TRIM43: variants seen among roughly 807,000 people sequenced by gnomAD.
TRIM43 encodes the protein tripartite motif-containing protein 43.
Under a neutral mutation model 27.7 loss-of-function variants are expected in TRIM43, and 12 were observed. That is an observed-to-expected ratio of 0.43 (90% confidence interval 0.28 to 0.70). The LOEUF (loss-of-function observed/expected upper bound fraction) is 0.70. Ranked by LOEUF, TRIM43 falls within the 30% of genes least tolerant of loss-of-function variation. The pLI is 0.17. For synonymous variants in TRIM43, 64 were observed against 121.9 expected (o/e 0.52, Z 3.13); for missense variants, 186 against 356.5 (o/e 0.52, Z 3.85).
At chr2:95,595,791 T>C (rs1188402428) in intron 3 of TRIM43, among the ~76,000 whole-genome samples, 1 of 151,372 alleles carries the variant, frequency 6.6e-6, no homozygotes, top group Admixed American at 6.6e-5. Flanking sequence ...GGGGGTTAAA[T>C]TTTTTACTAA....
intron 1 of TRIM43, among the ~76,000 whole-genome samples, chr2:95,593,612 A>C (rs2104457263): frequency 6.6e-6 from 1 of 151,980 alleles, no homozygotes; most frequent in Non-Finnish European, 1.5e-5. Flanking sequence ...ATGAGAGTAG[A>C]AGAGCTTAGT....
chr2:95,592,728 C>T (rs1476488602), intron 1 of TRIM43, among the ~76,000 whole-genome samples: 1 of 151,122 alleles, frequency 6.6e-6, no homozygotes, highest in African/African-American at 2.4e-5. Flanking sequence ...GACACTTTGC[C>T]GTGTCACCAG....
chr2:95,593,396 GATTAA>G (rs10578960), intron 1 of TRIM43, among the ~76,000 whole-genome samples: 43,392 of 151,200 alleles, frequency 0.29, 7,452 homozygotes, highest in Non-Finnish European at 0.35. Flanking sequence ...AGTTTTTGTT[GATTAA>G]ATTAACATAG....
chr2:95,596,472 C>T, intron 4 of TRIM43, 40 bp downstream of exon 4: 1 of 1,523,092 alleles, frequency 6.6e-7, no homozygotes, highest in South Asian at 1.3e-5. Context: ...TTTGTGTTAG[C>T]TGACCTTTAC....
chr2:95,592,910 GA>G (rs1378299611), intron 1 of TRIM43, among the ~76,000 whole-genome samples: 2 of 148,104 alleles, frequency 1.4e-5, no homozygotes, highest in Non-Finnish European at 3.0e-5. Context: ...TTTTTTTTTA[GA>G]GGGGAGACAG....
chr2:95,596,140 G>A, intron 3 of TRIM43, 62 bp from the exon 4 acceptor site: 2 of 1,589,354 alleles, frequency 1.3e-6, no homozygotes, highest in Non-Finnish European at 1.7e-6. Context: ...GGATGAAGTT[G>A]TAGGCTCTGT....
chr2:95,593,981 A>T (rs933542848), intron 1 of TRIM43, 39 bp from the exon 2 acceptor site: 1 of 1,556,180 alleles, frequency 6.4e-7, no homozygotes, highest in African/African-American at 1.4e-5. Context: ...TTGTCTCTCC[A>T]GGGTAGAAGA....
At chr2:95,596,116 A>G (rs1685351205) in intron 3 of TRIM43, 86 bp from the exon 4 acceptor site, 4 of 1,517,982 alleles carry the variant, frequency 2.6e-6, no homozygotes, top group Non-Finnish European at 3.6e-6. Context: ...GGAAAATAAA[A>G]GAAGGAATGA....
Position 95,595,160 on chromosome 2 carries a change from G to A in TRIM43, c.507+15G>A, listed in dbSNP as rs1347699362. ...TCCTCTGGAGGGTAAGTATGAGACCGTGAGTCCTCCTGACCAGCTTGAGAC... is the reference window on the plus strand; with the variant it reads ...TCCTCTGGAGGGTAAGTATGAGACCATGAGTCCTCCTGACCAGCTTGAGAC... On this transcript the variant is annotated intron_variant, in intron 3 of 6. Coordinates refer to ENST00000272395, the MANE Select transcript of TRIM43 (RefSeq NM_138800.3). 6.3e-6 allele frequency: 10 copies of A among 1,599,626 alleles called. 1 individual carries two copies. Among genetic ancestry groups the A allele is most frequent in the African/African-American group, 2.7e-5 (2 of 74,084 alleles).
chr2:95,596,450 C>G lies in TRIM43; in HGVS notation c.738+18C>G. Reference sequence around the variant, plus strand: ...TGCTCCAGGTAAGAATGGAGGATGCCCCTTGAGACACTTTGTGTTAGCTGA... The same window carrying G: ...TGCTCCAGGTAAGAATGGAGGATGCGCCTTGAGACACTTTGTGTTAGCTGA... On this transcript the variant is annotated intron_variant, in intron 4 of 6. Transcript: ENST00000272395. 6.3e-7 allele frequency: 1 copy of G among 1,577,120 alleles called. No individual in the cohort carries two copies. The highest frequency in any genetic ancestry group is 8.6e-7 in the Non-Finnish European group (1 of 1,159,694).
Position 95,596,279 on chromosome 2 carries a change from A to T in TRIM43, c.585A>T (p.Lys195Asn), listed in dbSNP as rs1370328335. The change falls in exon 4 of 7, where the codon AAA becomes AAT. Residue 195 changes from lysine (K) to asparagine (N), a missense_variant. This residue lies in a region of TRIM43 where 91 missense variants were observed against 119.3 expected (regional missense o/e 0.76). Transcript: ENST00000272395. ...ATCCGGTTCTCCATAAGGAAGAAAA[A>T]CAACATTTAGAGAGACTGAACAAGG... ...KLHPVLHKEE[K>N]QHLERLNKEY... The T allele has an allele frequency of 9.9e-6, 16 of 1,609,364 alleles. No homozygotes were observed. The highest frequency in any genetic ancestry group is 1.3e-5 in the Non-Finnish European group (15 of 1,177,750).
chr2:95,592,408 A>G (rs1167926292), intron 1 of TRIM43, among the ~76,000 whole-genome samples: 1 of 151,680 alleles, frequency 6.6e-6, no homozygotes, highest in Non-Finnish European at 1.5e-5. Context: ...ATCACGCTCT[A>G]TTGCCAGGCT....
At position 95,594,408 on chromosome 2, in the gene TRIM43, A is replaced by C; in HGVS notation, c.385A>C (p.Ile129Leu). ...QEHGAHKHHP[I>L]EEAAEEHREK... ...GCACGGGGCTCACAAACACCATCCC[A>C]TCGAAGAGGCAGCTGAGGAACACCG... Residue 129 changes from isoleucine (I) to leucine (L), a missense_variant, in exon 2 of 7, where the codon ATC (isoleucine) becomes CTC (leucine). Around this residue, in one of 6 missense-constraint regions of TRIM43, gnomAD observed 91 missense variants for 119.3 expected, o/e 0.76. Transcript: ENST00000272395. 6.2e-7 allele frequency: 1 copy of C among 1,610,934 alleles called. No individual in the cohort carries two copies. Among genetic ancestry groups the C allele is most frequent in the Non-Finnish European group, 8.5e-7 (1 of 1,179,542 alleles).
rs911780351 is a variant in TRIM43 at position 95,595,656 on chromosome 2, A to G, written c.507+511A>G. 1.3e-4 allele frequency among the ~76,000 whole-genome samples: 19 copies of G among 150,876 alleles called. 1 individual carries two copies. Among genetic ancestry groups the G allele is most frequent in the Non-Finnish European group, 2.7e-4 (18 of 67,650 alleles). ...GGGGCAGTGAGAGGATAAATATGTCATTATTGAGAGGAGAAACACAATGGA... is the reference window on the plus strand; with the variant it reads ...GGGGCAGTGAGAGGATAAATATGTCGTTATTGAGAGGAGAAACACAATGGA... On this transcript the variant is annotated intron_variant, in intron 3 of 6. Transcript: ENST00000272395.
chr2:95,592,970 C>G (rs1243369389), intron 1 of TRIM43, among the ~76,000 whole-genome samples: 1 of 151,430 alleles, frequency 6.6e-6, no homozygotes, highest in East Asian at 1.9e-4. Flanking sequence ...TATCTCGGCT[C>G]ACTGCAAGCT....
chr2:95,592,114 G>A lies in TRIM43; in HGVS notation c.-40G>A, dbSNP rs545705079. Reference sequence around the variant, plus strand: ...CTGAGCTGAATTCATCTGATTCGACGGCAAGCTTTGGTGAGAACATAGATA... The same window carrying A: ...CTGAGCTGAATTCATCTGATTCGACAGCAAGCTTTGGTGAGAACATAGATA... On this transcript the variant is annotated 5_prime_UTR_variant, in exon 1 of 7. Transcript: ENST00000272395. The A allele has an allele frequency of 2.8e-4, 42 of 151,748 alleles. No individual in the cohort carries two copies. The highest frequency in any genetic ancestry group is 1.9e-3 in the South Asian group (9 of 4,802). The allele number at this position is 151,748 out of a possible 1,614,324, so 9.4% of individuals were successfully genotyped here. A position where few individuals can be genotyped will look rare whatever the true frequency, so the allele number is the denominator to read the frequency against.
At chr2:95,595,510 G>C (rs1469076255) in intron 3 of TRIM43, among the ~76,000 whole-genome samples, 4 of 151,400 alleles carry the variant, frequency 2.6e-5, no homozygotes, top group Non-Finnish European at 5.9e-5. Flanking sequence ...GGTGGGAACA[G>C]TAATTTAAGA....
intron 3 of TRIM43, 35 bp from the exon 4 acceptor site, chr2:95,596,167 T>C: frequency 1.9e-6 from 3 of 1,603,940 alleles, no homozygotes; most frequent in Non-Finnish European, 2.6e-6. Context: ...GAAGTAGGCC[T>C]GGGTATATAA....
chr2:95,595,248 T>A, intron 3 of TRIM43, 103 bp downstream of exon 3: 1 of 855,974 alleles, frequency 1.2e-6, no homozygotes, highest in South Asian at 2.0e-5. Flanking sequence ...GATTTTGTCA[T>A]GTGTTTATTC....
Sources: allele counts gnomAD v4.1 joint callset (sites outside exome capture counted in the v4.1 genomes callset), GRCh38; gene constraint gnomAD v4.1.1; regional missense constraint gnomAD v4.1.1; transcripts MANE v1.5; gene names NCBI Gene and HGNC (gene_info 2026-07-23, HGNC 2026-07-21).